PDE5A: variants seen among roughly 807,000 people sequenced by gnomAD.
The protein encoded by PDE5A is phosphodiesterase 5A, also known as cGMP-specific 3',5'-cyclic phosphodiesterase.
Under a neutral mutation model 110.2 loss-of-function variants are expected in PDE5A, and 67 were observed. That is an observed-to-expected ratio of 0.61 (90% CI 0.50 to 0.75). The LOEUF (loss-of-function observed/expected upper bound fraction) is 0.75. Ranked by LOEUF, PDE5A falls within the 30% of genes least tolerant of loss-of-function variation. The pLI is 0.00. For missense variants in PDE5A, 862 were observed against 1,045.1 expected (o/e 0.82, Z 2.42); for synonymous variants, 328 against 351.2 (o/e 0.93, Z 0.74).
At chr4:119,509,798 G>T (rs1725679522) in intron 15 of PDE5A, among the ~76,000 whole-genome samples, 1 of 152,024 alleles carries the variant, frequency 6.6e-6, no homozygotes, top group African/African-American at 2.4e-5. Context: ...ACACTGAGGT[G>T]TTGAGGGAGG....
chr4:119,508,098 A>T (rs1313297531), intron 15 of PDE5A, among the ~76,000 whole-genome samples: 1 of 152,004 alleles, frequency 6.6e-6, no homozygotes, highest in African/African-American at 2.4e-5. Flanking sequence ...AAACTTCTCT[A>T]TGGCATTTTA....
At chr4:119,610,263 T>C (rs1729698078) in intron 1 of PDE5A, among the ~76,000 whole-genome samples, 1 of 152,132 alleles carries the variant, frequency 6.6e-6, no homozygotes, top group Admixed American at 6.6e-5. Flanking sequence ...CCAAAGACAC[T>C]GATGCTAAAA....
chr4:119,566,345 A>G (rs1727932800), intron 4 of PDE5A, among the ~76,000 whole-genome samples: 1 of 152,202 alleles, frequency 6.6e-6, no homozygotes, highest in African/African-American at 2.4e-5. Context: ...TTTCAGGGGA[A>G]CAACATAAAC....
intron 11 of PDE5A, among the ~76,000 whole-genome samples, chr4:119,530,686 T>G (rs1364287234): frequency 6.6e-6 from 1 of 152,112 alleles, no homozygotes. Context: ...CTGCATAGAA[T>G]AGGGGTTAAA....
chr4:119,606,773 T>A lies in PDE5A; in HGVS notation c.677A>T (p.Asn226Ile), dbSNP rs778055086. 1.2e-6 allele frequency: 2 copies of A among 1,614,184 alleles called. No homozygotes were observed. Among genetic ancestry groups the A allele is most frequent in the Non-Finnish European group, 8.5e-7 (1 of 1,180,042 alleles). The stretch of plus-strand genomic sequence containing the variant: ...TGCCACATGTCCCACAATGCCTTTG[T>A]TCCATTCTAAGCGGATACAGTTATT... ...VSNNCIRLEW[N>I]KGIVGHVAAL... Residue 226 changes from asparagine (N) to isoleucine (I), a missense_variant, in exon 2 of 21, where the codon AAC becomes ATC. Physicochemically the swap from Asn to Ile is moderately radical, Grantham distance 149. Coordinates refer to ENST00000354960, the MANE Select transcript of PDE5A (RefSeq NM_001083.4).
At chr4:119,503,677 A>C (rs865845146) in intron 18 of PDE5A, among the ~76,000 whole-genome samples, 4 of 152,138 alleles carry the variant, frequency 2.6e-5, no homozygotes, top group Admixed American at 6.6e-5. Flanking sequence ...ATTTTCTTTA[A>C]GTGTCATGTC....
chr4:119,529,134 G>A (rs916621293), intron 11 of PDE5A, among the ~76,000 whole-genome samples: 1 of 151,640 alleles, frequency 6.6e-6, no homozygotes, highest in African/African-American at 2.4e-5. Context: ...TTTCAGGGAT[G>A]GGGGAAGTGT....
chr4:119,570,429 G>C (rs779320319), intron 3 of PDE5A, among the ~76,000 whole-genome samples: 1 of 152,146 alleles, frequency 6.6e-6, no homozygotes, highest in Non-Finnish European at 1.5e-5. Context: ...TGTACTCTCA[G>C]ATATGGGCAC....
chr4:119,588,661 A>T (rs767796698), intron 3 of PDE5A, among the ~76,000 whole-genome samples: 4 of 152,138 alleles, frequency 2.6e-5, no homozygotes, highest in Non-Finnish European at 4.4e-5. Context: ...ATTCTAAAAA[A>T]CATTTATTTT....
chr4:119,626,796 G>T (rs1004232220), intron 1 of PDE5A, among the ~76,000 whole-genome samples: 4 of 152,194 alleles, frequency 2.6e-5, no homozygotes, highest in Admixed American at 2.0e-4. Flanking sequence ...GAAAGCGGGG[G>T]AAGACGATTT....
chr4:119,550,138 G>A (rs182360269), intron 9 of PDE5A: 3 of 152,256 alleles, frequency 2.0e-5, no homozygotes, highest in African/African-American at 7.2e-5. Context: ...TAAAGCAGCA[G>A]GAACACTGGA....
intron 14 of PDE5A, among the ~76,000 whole-genome samples, chr4:119,518,414 T>G (rs1725993135): frequency 6.6e-6 from 1 of 152,222 alleles, no homozygotes; most frequent in Non-Finnish European, 1.5e-5. Flanking sequence ...TCCTAACGGA[T>G]AGTGTCTCAC....
At chr4:119,626,470 T>C (rs982735874) in intron 1 of PDE5A, among the ~76,000 whole-genome samples, 1 of 152,234 alleles carries the variant, frequency 6.6e-6, no homozygotes, top group African/African-American at 2.4e-5. Flanking sequence ...ATAACTTTTT[T>C]TCTTTAAACT....
Position 119,585,139 on chromosome 4 carries a change from G to A in PDE5A, c.831+11384C>T, listed in dbSNP as rs1461957670. ...AAATACAAAAAATTAGCCAGGTGTG[G>A]TGGTGGGCACCTGTAATTCCAGCTA... On this transcript the variant is annotated intron_variant, in intron 3 of 20. Coordinates refer to ENST00000354960, the MANE Select transcript of PDE5A (RefSeq NM_001083.4). Among the ~76,000 whole-genome samples, 4 of 152,212 alleles carry A rather than the reference G, an allele frequency of 2.6e-5. No individual in the cohort carries two copies. In the East Asian group the frequency reaches 5.8e-4, roughly 22 times the overall value.
chr4:119,587,663 T>TGCTAGGATTACA (rs1455515202), intron 3 of PDE5A, among the ~76,000 whole-genome samples: 1 of 152,176 alleles, frequency 6.6e-6, no homozygotes, highest in African/African-American at 2.4e-5. Flanking sequence ...GGATTACAGG[T>TGCTAGGATTACA]GTGAGCCACC....
Position 119,504,608 on chromosome 4 carries a change from GA to G in PDE5A, c.2268-10del, listed in dbSNP as rs781688903. 5.5e-5 allele frequency: 88 copies of G among 1,607,922 alleles called. 1 individual carries two copies. In the Middle Eastern group the frequency reaches 8.3e-4, roughly 15 times the overall value. ...CTGTCATCAGCATTGCCCTGTTATG[GA>G]AAAAAGAAACCCAAAACTCCTATTT... On this transcript the variant is annotated splice_polypyrimidine_tract_variant and intron_variant, in intron 17 of 20. Coordinates refer to ENST00000354960, the MANE Select transcript of PDE5A (RefSeq NM_001083.4).
At chr4:119,595,898 T>C (rs1024584937) in intron 3 of PDE5A, among the ~76,000 whole-genome samples, 8 of 152,206 alleles carry the variant, frequency 5.3e-5, no homozygotes, top group Non-Finnish European at 5.9e-5. Flanking sequence ...CAGTTGGTTG[T>C]AATACACAGT....
In PDE5A at chr4:119,592,730, G is replaced by T. The variant is rs77290316; in HGVS notation, c.831+3793C>A. 4.3e-3 allele frequency among the ~76,000 whole-genome samples: 654 copies of T among 152,134 alleles called. 12 individuals are homozygous for T. The East Asian group carries it at 0.054, about 13-fold the overall frequency. On this transcript the variant is annotated intron_variant, in intron 3 of 20. Transcript: ENST00000354960. ...GGAGCATTTTGGATTTTCAAATTAG[G>T]TATACTCAATCTGTATTTAGTCCCC...
chr4:119,536,273 T>G (rs759908155), intron 11 of PDE5A, among the ~76,000 whole-genome samples: 2 of 152,184 alleles, frequency 1.3e-5, no homozygotes, highest in Non-Finnish European at 2.9e-5. Context: ...AATATCATCT[T>G]TAGAAATTAT....
Sources: allele counts gnomAD v4.1 joint callset (sites outside exome capture counted in the v4.1 genomes callset), GRCh38; gene constraint gnomAD v4.1.1; transcripts MANE v1.5; gene names NCBI Gene and HGNC (gene_info 2026-07-23, HGNC 2026-07-21).